ANKRD42: variants seen among roughly 807,000 people sequenced by gnomAD.
ANKRD42 encodes ankyrin repeat domain 42.
ANKRD42 carries 43 observed loss-of-function variants against 51.5 expected under a neutral mutation model. The observed-to-expected ratio is 0.83, with a 90% CI of 0.65 to 1.08. The LOEUF is 1.08. ANKRD42 is among the 50% of genes least tolerant of loss of function. The pLI, the probability that ANKRD42 is intolerant of heterozygous loss-of-function variation, is 0.00. For synonymous variants in ANKRD42, 203 were observed against 213.0 expected (o/e 0.95, Z 0.41); for missense variants, 608 against 629.3 (o/e 0.97, Z 0.36).
intron 1 of ANKRD42, 141 bp from the exon 2 acceptor site, chr11:83,198,338 A>C: frequency 1.2e-6 from 1 of 813,962 alleles, no homozygotes; most frequent in Non-Finnish European, 1.9e-6. Flanking sequence ...AGTCTGTTTA[A>C]GATATTAATG....
chr11:83,223,619 T>C (rs1294657420), intron 5 of ANKRD42, among the ~76,000 whole-genome samples: 2 of 152,034 alleles, frequency 1.3e-5, no homozygotes, highest in Non-Finnish European at 2.9e-5. Flanking sequence ...TTTTGACATA[T>C]GTTAGAAATG....
At chr11:83,198,046 A>C (rs998964266) in intron 1 of ANKRD42, among the ~76,000 whole-genome samples, 4 of 152,208 alleles carry the variant, frequency 2.6e-5, no homozygotes, top group Non-Finnish European at 4.4e-5. Flanking sequence ...GTGGCTCCCT[A>C]GGTAAGAGTG....
chr11:83,214,433 G>C lies in ANKRD42; in HGVS notation c.586+3003G>C, dbSNP rs190861450. On this transcript the variant is annotated intron_variant, in intron 5 of 10. Coordinates refer to ENST00000533342, the MANE Select transcript of ANKRD42 (RefSeq NM_001300975.2). ...CAAATATACTTGATCATTTTTGTTG[G>C]TCTTGTCTGGTCATTAAAAAATCCA... 107 of 981,524 alleles carry C rather than the reference G, an allele frequency of 1.1e-4. 3 individuals are homozygous for C. In the East Asian group the frequency reaches 8.5e-3, roughly 78 times the overall value. The allele number at this position is 981,524 out of a possible 1,614,324, so 60.8% of individuals were successfully genotyped here. A position where few individuals can be genotyped will look rare whatever the true frequency, so the allele number is the denominator to read the frequency against.
At chr11:83,198,136 T>A (rs1008136722) in intron 1 of ANKRD42, among the ~76,000 whole-genome samples, 6 of 152,224 alleles carry the variant, frequency 3.9e-5, no homozygotes, top group Non-Finnish European at 7.3e-5. Context: ...TGTAAGTGCT[T>A]CTACCACTTT....
At chr11:83,246,854 AATG>A in intron 10 of ANKRD42, among the ~76,000 whole-genome samples, 1 of 152,344 alleles carries the variant, frequency 6.6e-6, no homozygotes, top group East Asian at 1.9e-4. Context: ...TATAAGGATT[AATG>A]TGTCATTCTT....
Position 83,236,723 on chromosome 11 carries a change from G to A in ANKRD42, c.1019+214G>A, listed in dbSNP as rs535843371. 5.9e-5 allele frequency among the ~76,000 whole-genome samples: 9 copies of A among 152,182 alleles called. No individual in the cohort carries two copies. The East Asian group carries it at 7.7e-4, about 13-fold the overall frequency. On this transcript the variant is annotated intron_variant, in intron 8 of 10. Transcript: ENST00000533342. ...CTCCACTGGGAGGTAATATTTTCCC[G>A]TTTCCTCATGGGAGGGGTCTTTGGA...
intron 3 of ANKRD42, among the ~76,000 whole-genome samples, chr11:83,207,248 G>A (rs1350336463): frequency 6.6e-6 from 1 of 152,126 alleles, no homozygotes; most frequent in African/African-American, 2.4e-5. Context: ...CTCCCACTGT[G>A]TCCCTCCCAT....
downstream of ANKRD42, among the ~76,000 whole-genome samples, chr11:83,263,965 C>T (rs150679103): frequency 9.2e-4 from 140 of 152,182 alleles, 1 homozygote; most frequent in African/African-American, 3.2e-3. Context: ...GAGTATAAAT[C>T]GGCAGTTTTC....
At chr11:83,255,769 G>C (rs939271811) in intron 11 of ANKRD42, 2 of 1,117,782 alleles carry the variant, frequency 1.8e-6, no homozygotes, top group Non-Finnish European at 2.5e-6. Flanking sequence ...TTTTTCTTTT[G>C]AACAGGCAAT....
chr11:83,205,952 C>G (rs1044911103), intron 2 of ANKRD42, 106 bp from the exon 3 acceptor site: 1 of 867,976 alleles, frequency 1.2e-6, no homozygotes, highest in African/African-American at 1.7e-5. Context: ...ATACATGGAT[C>G]TCTCATTCAC....
intron 3 of ANKRD42, chr11:83,209,364 C>G: frequency 6.7e-7 from 1 of 1,494,410 alleles, no homozygotes; most frequent in Non-Finnish European, 9.1e-7. Flanking sequence ...TGGAGGTTGG[C>G]AGCGCGGGGC....
intron 7 of ANKRD42, among the ~76,000 whole-genome samples, chr11:83,234,604 A>T (rs1863172409): frequency 6.6e-6 from 1 of 152,220 alleles, no homozygotes; most frequent in Admixed American, 6.5e-5. Flanking sequence ...CCTGTTTTTA[A>T]ACATTTCCCA....
Position 83,240,808 on chromosome 11 carries a change from G to C in ANKRD42, c.1069G>C (p.Asp357His). 2 of 1,614,102 alleles carry C rather than the reference G, an allele frequency of 1.2e-6. No individual in the cohort carries two copies. The highest frequency in any genetic ancestry group is 1.7e-6 in the Non-Finnish European group (2 of 1,179,988). ...GCTGTTAGAGGAGCTACAGAAATAT[G>C]ATATAGATGACGAAAATGAAATTGA... Reference protein sequence around the residue: ...VKLLEELQKYDIDDENEIDEN... With the variant: ...VKLLEELQKYHIDDENEIDEN... Residue 357 changes from aspartate (D) to histidine (H), a missense_variant, in exon 9 of 11, where the codon GAT (aspartate) becomes CAT (histidine). Physicochemically the swap from Asp to His is moderately conservative, Grantham distance 81. Transcript: ENST00000533342.
chr11:83,209,460 A>T lies in ANKRD42; in HGVS notation c.331-840A>T, dbSNP rs1436967720. ...GACGACGAGGAGTTTGAGTATCGAC[A>T]TGTCGTGCTGCCCAAGGACATAGCC... is the stretch of plus-strand genomic sequence containing the variant. On this transcript the variant is annotated intron_variant, in intron 3 of 10. Coordinates refer to ENST00000533342, the MANE Select transcript of ANKRD42 (RefSeq NM_001300975.2). 3 of 1,468,098 alleles carry T rather than the reference A, an allele frequency of 2.0e-6. No homozygotes were observed. In the East Asian group the frequency reaches 6.8e-5, roughly 33 times the overall value. 90.9% of individuals were successfully genotyped at this position (1,468,098 alleles called of 1,614,324 possible).
intron 10 of ANKRD42, among the ~76,000 whole-genome samples, chr11:83,247,239 T>G (rs1591011960): frequency 6.6e-6 from 1 of 152,136 alleles, no homozygotes; most frequent in African/African-American, 2.4e-5. Context: ...ACTTTTTTTT[T>G]TGTATTTTTA....
chr11:83,260,153 G>T (rs948397182), downstream of ANKRD42: 4 of 152,208 alleles, frequency 2.6e-5, no homozygotes, highest in Admixed American at 1.3e-4. Context: ...TTCACATGGA[G>T]GAAAGACGCA....
At chr11:83,225,106 T>A in intron 6 of ANKRD42, 51 bp downstream of exon 6, 1 of 1,495,658 alleles carries the variant, frequency 6.7e-7, no homozygotes, top group Non-Finnish European at 9.2e-7. Flanking sequence ...ATGATGATGA[T>A]GATAATATAA....
intron 5 of ANKRD42, among the ~76,000 whole-genome samples, chr11:83,224,539 C>T (rs1480086197): frequency 6.6e-6 from 1 of 152,116 alleles, no homozygotes. Context: ...GTGTTCCTGT[C>T]ATTTGGGGCA....
At chr11:83,223,747 A>G (rs1029565288) in intron 5 of ANKRD42, among the ~76,000 whole-genome samples, 2 of 152,128 alleles carry the variant, frequency 1.3e-5, no homozygotes, top group Admixed American at 6.5e-5. Flanking sequence ...TGTGCCAGCA[A>G]CTTGTCTTAT....
Sources: gnomAD v4.1 joint callset for allele counts (sites outside exome capture counted in the v4.1 genomes callset) on GRCh38, gnomAD v4.1.1 for gene constraint, MANE v1.5 for transcripts, NCBI Gene and HGNC (gene_info 2026-07-23, HGNC 2026-07-21) for gene names.